The following CMIP variants were observed in gnomAD, a reference collection of about 807,000 sequenced individuals.
CMIP encodes c-Maf inducing protein, also known as C-Maf-inducing protein.
Under a neutral mutation model 97.3 loss-of-function variants are expected in CMIP, and 13 were observed. That is an observed-to-expected ratio of 0.13 (90% CI 0.09 to 0.21). The LOEUF is 0.21. CMIP is among the 10% of genes least tolerant of loss of function. The pLI is 1.00. For missense variants in CMIP, 847 were observed against 1,024.9 expected (o/e 0.83, Z 2.37); for synonymous variants, 538 against 436.3 (o/e 1.23, Z -2.91).
At chr16:81,481,880 C>CT (rs768919033) in intron 1 of CMIP, among the ~76,000 whole-genome samples, 42,162 of 136,554 alleles carry the variant, frequency 0.31, 7,056 homozygotes, top group African/African-American at 0.44. Context: ...CCGCCTCCCT[C>CT]TTTTTTTTTT....
intron 1 of CMIP, among the ~76,000 whole-genome samples, chr16:81,525,404 A>C (rs4888151): frequency 0.64 from 97,983 of 151,950 alleles, 32,632 homozygotes; most frequent in South Asian, 0.76. Context: ...CGGCCTCCCA[A>C]AGTGCTGGGA....
At position 81,583,766 on chromosome 16, in the gene CMIP, GC is replaced by G. The variant is rs1330404413; in HGVS notation, c.301-23799del. Among the ~76,000 whole-genome samples the G allele has an allele frequency of 3.3e-5, 5 of 152,284 alleles. No homozygotes were observed. The South Asian group carries it at 1.0e-3, about 32-fold the overall frequency. On this transcript the variant is annotated intron_variant, in intron 1 of 20. Coordinates refer to ENST00000537098, the MANE Select transcript of CMIP (RefSeq NM_198390.3). ...CTGGGAAAGACGAGAGCATCTGAAA[GC>G]CTTATGGAGGCTACTGAATACAAGG...
chr16:81,626,805 GTGTGTGT>G (rs1408392619), intron 3 of CMIP, among the ~76,000 whole-genome samples: 1 of 135,102 alleles, frequency 7.4e-6, no homozygotes, highest in Non-Finnish European at 1.6e-5. Flanking sequence ...GTGTGTGTGT[GTGTGTGT>G]GTGTGGGGTG....
At chr16:81,472,206 G>T (rs1907603305) in intron 1 of CMIP, among the ~76,000 whole-genome samples, 2 of 152,174 alleles carry the variant, frequency 1.3e-5, no homozygotes, top group Non-Finnish European at 2.9e-5. Flanking sequence ...ATGTAACTTT[G>T]GGCAAGTTGT....
chr16:81,620,791 TG>T, intron 2 of CMIP, 84 bp from the exon 3 acceptor site: 1 of 1,515,388 alleles, frequency 6.6e-7, no homozygotes, highest in Non-Finnish European at 9.1e-7. Context: ...AGAGCAGGCT[TG>T]GGGGCTCACA....
intron 1 of CMIP, among the ~76,000 whole-genome samples, chr16:81,501,128 C>T (rs186500592): frequency 5.9e-5 from 9 of 152,344 alleles, no homozygotes; most frequent in Admixed American, 5.2e-4. Context: ...TTCAGGCCAG[C>T]GTCCTCCGTT....
chr16:81,704,863 A>G (rs1907948385), intron 18 of CMIP, among the ~76,000 whole-genome samples: 1 of 150,732 alleles, frequency 6.6e-6, no homozygotes, highest in African/African-American at 2.4e-5. Context: ...CCCATTTCCC[A>G]TTTGGAAATA....
intron 1 of CMIP, among the ~76,000 whole-genome samples, chr16:81,551,296 C>G (rs1323614276): frequency 6.6e-6 from 1 of 152,216 alleles, no homozygotes; most frequent in Non-Finnish European, 1.5e-5. Context: ...TAACCATGGG[C>G]AACCAAAAGC....
At chr16:81,566,772 C>G (rs972392630) in intron 1 of CMIP, among the ~76,000 whole-genome samples, 1 of 152,174 alleles carries the variant, frequency 6.6e-6, no homozygotes, top group Non-Finnish European at 1.5e-5. Flanking sequence ...AACAGTGGAA[C>G]AGATAAACCA....
At chr16:81,605,261 C>G (rs1180599515) in intron 1 of CMIP, among the ~76,000 whole-genome samples, 1 of 152,196 alleles carries the variant, frequency 6.6e-6, no homozygotes, top group Non-Finnish European at 1.5e-5. Flanking sequence ...TAAAGAGAAC[C>G]TTCTTGGGTG....
chr16:81,703,647 C>T (rs1907681640), intron 17 of CMIP, among the ~76,000 whole-genome samples: 2 of 151,954 alleles, frequency 1.3e-5, no homozygotes, highest in African/African-American at 2.4e-5. Flanking sequence ...GTGGGAGGAT[C>T]GTGGCCTTGG....
At chr16:81,615,412 G>GTT (rs1416680334) in intron 2 of CMIP, among the ~76,000 whole-genome samples, 1 of 147,090 alleles carries the variant, frequency 6.8e-6, no homozygotes, top group Non-Finnish European at 1.5e-5. Flanking sequence ...TATGGTGTGT[G>GTT]TGTGTGTGCG....
In CMIP at chr16:81,462,127, T is replaced by G. The variant is rs146687885; in HGVS notation, c.300+16586T>G. On this transcript the variant is annotated intron_variant, in intron 1 of 20. Transcript: ENST00000537098. ...ACTTGCTTTGGGAAGTGATTTATTT[T>G]TTCTTTCATTCCTGGTCTCATTTCC... Among the ~76,000 whole-genome samples, 262 of 152,378 alleles carry G rather than the reference T, an allele frequency of 1.7e-3. 1 individual carries two copies. Among genetic ancestry groups the G allele is most frequent in the African/African-American group, 5.8e-3 (241 of 41,594 alleles).
chr16:81,476,134 G>A (rs1418860061), intron 1 of CMIP: 26 of 988,550 alleles, frequency 2.6e-5, no homozygotes, highest in South Asian at 7.6e-5. Context: ...TCACCTTGCC[G>A]GAGACCACGT....
intron 1 of CMIP, among the ~76,000 whole-genome samples, chr16:81,598,436 C>G (rs1034928395): frequency 6.6e-6 from 1 of 152,168 alleles, no homozygotes; most frequent in African/African-American, 2.4e-5. Context: ...CAGCATTGGC[C>G]AGTGCAGATA....
At chr16:81,467,811 A>C (rs1907295628) in intron 1 of CMIP, among the ~76,000 whole-genome samples, 1 of 148,120 alleles carries the variant, frequency 6.8e-6, no homozygotes, top group South Asian at 2.1e-4. Context: ...GAACTCCTGG[A>C]CTCAAGCAAT....
At chr16:81,657,681 T>G (rs562425557) in intron 4 of CMIP, 94 bp from the exon 5 acceptor site, 20 of 1,030,180 alleles carry the variant, frequency 1.9e-5, no homozygotes, top group Non-Finnish European at 2.7e-5. Context: ...ACGCTGAAGA[T>G]GTTTCAAAAC....
chr16:81,536,856 G>A (rs1269060587), intron 1 of CMIP, among the ~76,000 whole-genome samples: 3 of 152,082 alleles, frequency 2.0e-5, no homozygotes, highest in Middle Eastern at 3.4e-3. Flanking sequence ...AACTCAGCAC[G>A]CACGTGTAAC....
chr16:81,566,041 G>A (rs2090977650), intron 1 of CMIP, among the ~76,000 whole-genome samples: 1 of 152,242 alleles, frequency 6.6e-6, no homozygotes, highest in Admixed American at 6.5e-5. Flanking sequence ...GTTCTTTGAG[G>A]CTGAAATTGG....
Sources: allele counts gnomAD v4.1 joint callset (sites outside exome capture counted in the v4.1 genomes callset), GRCh38; gene constraint gnomAD v4.1.1; transcripts MANE v1.5; gene names NCBI Gene and HGNC (gene_info 2026-07-23, HGNC 2026-07-21).